NYX: variants seen among roughly 807,000 people sequenced by gnomAD.
The protein encoded by NYX is nyctalopin, also known as leucine-rich repeat protein.
For synonymous variants in NYX, 258 were observed against 245.7 expected (o/e 1.05, Z -0.47); for missense variants, 481 against 485.4 (o/e 0.99, Z 0.09).
intron 2 of NYX, among the ~76,000 whole-genome samples, chrX:41,450,194 T>A (rs760910308): frequency 1.8e-5 from 2 of 112,299 alleles, no homozygotes; most frequent in Non-Finnish European, 3.8e-5. Context: ...CTGAAACCCT[T>A]AACTTCTTTT....
chrX:41,464,670 C>CGTGTGTGTGTGTGTGTGTGTGT (rs768617215), intron 2 of NYX, among the ~76,000 whole-genome samples: 38 of 101,837 alleles, frequency 3.7e-4, no homozygotes, highest in African/African-American at 8.9e-4. Flanking sequence ...ATGGGCCGTG[C>CGTGTGTGTGTGTGTGTGTGTGT]GTGTGTGTGT....
At position 41,474,721 on chromosome X, in the gene NYX, C is replaced by T; in HGVS notation, c.1253C>T (p.Pro418Leu). 1 of 1,196,325 alleles carries T rather than the reference C, an allele frequency of 8.4e-7. No individual in the cohort carries two copies. The change falls in exon 3 of 3, where the codon CCG becomes CTG. Residue 418 changes from proline to leucine, a missense_variant. Coordinates refer to ENST00000378220, the MANE Select transcript of NYX (RefSeq NM_001378477.3). ...AGCCTCCTCTCCAAGCTGCTGGCCC[C>T]GAGGGTCCCGGTGGAGGAGGCGGCC... ...FSSLLSKLLA[P>L]RVPVEEAANT... is the part of the protein sequence containing the mutation.
rs921845660 is a variant in NYX, at chrX:41,449,566, C to G, written c.22+1640C>G. On this transcript the variant is annotated intron_variant, in intron 2 of 2. Coordinates refer to ENST00000378220, the MANE Select transcript of NYX (RefSeq NM_001378477.3). ...ATAATTACTAACAGTCAACTTCTTG[C>G]CATTCCTCCTACCTTGAAAAAAAAA... Among the ~76,000 whole-genome samples, 3 of 110,788 alleles carry G rather than the reference C, an allele frequency of 2.7e-5. No individual in the cohort carries two copies. The Admixed American group carries it at 2.9e-4, about 11-fold the overall frequency.
intron 2 of NYX, among the ~76,000 whole-genome samples, chrX:41,461,497 G>A (rs192567055): frequency 1.8e-5 from 2 of 109,674 alleles, no homozygotes; most frequent in Non-Finnish European, 3.8e-5. Flanking sequence ...ATAAACGTGC[G>A]TGCAAGGATC....
intron 2 of NYX, among the ~76,000 whole-genome samples, chrX:41,471,332 T>G (rs916997879): frequency 9.0e-6 from 1 of 111,719 alleles, no homozygotes; most frequent in African/African-American, 3.3e-5. Flanking sequence ...GGCTAGTCTT[T>G]AACTCCTCAC....
chrX:41,460,879 T>C (rs3021324), intron 2 of NYX, among the ~76,000 whole-genome samples: 1,103 of 26,953 alleles, frequency 0.041, 13 homozygotes, highest in East Asian at 0.36. Context: ...AGTATGTATT[T>C]TTTTTTTTTT....
At chrX:41,457,981 G>A (rs1192204073) in intron 2 of NYX, among the ~76,000 whole-genome samples, 1 of 111,613 alleles carries the variant, frequency 9.0e-6, no homozygotes, top group Non-Finnish European at 1.9e-5. Flanking sequence ...TCTGGAGGTT[G>A]GGAAGTCCAG....
chrX:41,464,055 T>G (rs1230166179), intron 2 of NYX, among the ~76,000 whole-genome samples: 1 of 111,855 alleles, frequency 8.9e-6, no homozygotes, highest in African/African-American at 3.2e-5. Context: ...CTATTGCCCT[T>G]CATTTCTGAA....
Position 41,474,651 on chromosome X carries a change from G to A in NYX, c.1183G>A (p.Gly395Ser), listed in dbSNP as rs189924262. 4.6e-4 allele frequency: 547 copies of A among 1,197,675 alleles called. 6 individuals are homozygous for A. The East Asian group carries it at 0.015, about 32-fold the overall frequency. Residue 395 changes from glycine (G) to serine (S), a missense_variant, in exon 3 of 3, where the codon GGC becomes AGC. Physicochemically the swap from Gly to Ser is moderately conservative, Grantham distance 56 (BLOSUM62 0). Coordinates refer to ENST00000378220, the MANE Select transcript of NYX (RefSeq NM_001378477.3). ...EELNLTTSSP[G>S]PSPEPAATTV... Reference sequence around the variant, plus strand: ...GCTGAACCTCACCACGTCCAGTCCAGGCCCGTCCCCAGAACCAGCGGCCAC... The same window carrying A: ...GCTGAACCTCACCACGTCCAGTCCAAGCCCGTCCCCAGAACCAGCGGCCAC...
chrX:41,447,811 C>T, intron 1 of NYX, 38 bp from the exon 2 acceptor site: 1 of 1,071,850 alleles, frequency 9.3e-7, no homozygotes. Context: ...TCATGGGGCC[C>T]TCCTGGGCAC....
At chrX:41,468,590 A>G (rs2064348891) in intron 2 of NYX, among the ~76,000 whole-genome samples, 1 of 112,232 alleles carries the variant, frequency 8.9e-6, no homozygotes, top group African/African-American at 3.2e-5. Flanking sequence ...ATGCCTGGCC[A>G]GCAAACAATT....
In NYX at chrX:41,461,382, C is replaced by CATATATAT. The variant is rs60185443; in HGVS notation, c.23-12093_23-12086dup. ...TTTTTATGGCTGAGTAATATTCCGT[C>CATATATAT]ATATATATATATATATATATATACA... On this transcript the variant is annotated intron_variant, in intron 2 of 2. Transcript: ENST00000378220. Among the ~76,000 whole-genome samples the CATATATAT allele has an allele frequency of 2.2e-3, 223 of 101,551 alleles. 1 individual carries two copies. Among genetic ancestry groups the CATATATAT allele is most frequent in the African/African-American group, 6.4e-3 (176 of 27,313 alleles). The allele number at this position is 101,551 out of a possible 115,157, so 88.2% of individuals were successfully genotyped here. A position where few individuals can be genotyped will look rare whatever the true frequency, so the allele number is the denominator to read the frequency against.
intron 2 of NYX, among the ~76,000 whole-genome samples, chrX:41,468,218 T>G (rs2064347309): frequency 9.0e-6 from 1 of 111,578 alleles, no homozygotes; most frequent in Non-Finnish European, 1.9e-5. Flanking sequence ...GGCAGCTACC[T>G]TTCTGATCTC....
In NYX at chrX:41,475,061, C is replaced by A; in HGVS notation, c.*162C>A. 2.0e-6 allele frequency: 1 copy of A among 491,745 alleles called. No individual in the cohort carries two copies. Among genetic ancestry groups the A allele is most frequent in the Non-Finnish European group, 3.6e-6 (1 of 280,435 alleles). 40.5% of individuals were successfully genotyped at this position (491,745 alleles called of 1,213,427 possible). ...AGGGAGAACACAGGGACGTGCCACT[C>A]GAGGGGGAGGATGGTATGGATTTCT... On this transcript the variant is annotated 3_prime_UTR_variant, in exon 3 of 3. Transcript: ENST00000378220.
intron 2 of NYX, among the ~76,000 whole-genome samples, chrX:41,459,568 G>A (rs1186048043): frequency 2.7e-5 from 3 of 110,210 alleles, no homozygotes; most frequent in African/African-American, 6.6e-5. Flanking sequence ...GCAGTGAGCC[G>A]AGATCATGCC....
At chrX:41,462,852 T>A (rs2064324934) in intron 2 of NYX, among the ~76,000 whole-genome samples, 1 of 112,353 alleles carries the variant, frequency 8.9e-6, no homozygotes, top group Non-Finnish European at 1.9e-5. Context: ...TAAATACAAG[T>A]CTTTAATGAG....
At chrX:41,463,570 G>C (rs2064328068) in intron 2 of NYX, among the ~76,000 whole-genome samples, 1 of 110,232 alleles carries the variant, frequency 9.1e-6, no homozygotes, top group Non-Finnish European at 1.9e-5. Flanking sequence ...CTACAGGTGT[G>C]CGCCACCACA....
Position 41,464,248 on chromosome X carries a change from C to T in NYX, c.23-9243C>T, listed in dbSNP as rs182337469. Among the ~76,000 whole-genome samples the T allele has an allele frequency of 6.4e-5, 7 of 109,777 alleles. No individual in the cohort carries two copies. The East Asian group carries it at 1.4e-3, about 22-fold the overall frequency. On this transcript the variant is annotated intron_variant, in intron 2 of 2. Transcript: ENST00000378220. ...GCAACCTCTGTCTCCTGGGCTTAAG[C>T]GATCCTCCCACCTCAGCCTCCCAAG... is the stretch of plus-strand genomic sequence containing the variant.
Position 41,473,800 on chromosome X carries a change from G to A in NYX, c.332G>A (p.Arg111His). Residue 111 changes from arginine to histidine, a missense_variant, in exon 3 of 3, where the codon CGC becomes CAC. By Grantham distance (29) the Arg-to-His change is conservative. Transcript: ENST00000378220. The stretch of plus-strand genomic sequence containing the variant: ...GGCCTGCCGCGCCTGGCTGAGCTGC[G>A]CCTGGCGCACAACGGCGACCTGCGC... ...FKGLPRLAEL[R>H]LAHNGDLRYL... 1 of 1,126,738 alleles carries A rather than the reference G, an allele frequency of 8.9e-7. No homozygotes were observed. Among genetic ancestry groups the A allele is most frequent in the Non-Finnish European group, 1.2e-6 (1 of 859,862 alleles). The allele number at this position is 1,126,738 out of a possible 1,213,427, so 92.9% of individuals were successfully genotyped here. A position where few individuals can be genotyped will look rare whatever the true frequency, so the allele number is the denominator to read the frequency against.
Sources: gnomAD v4.1 joint callset for allele counts (sites outside exome capture counted in the v4.1 genomes callset) on GRCh38, gnomAD v4.1.1 for gene constraint, MANE v1.5 for transcripts, NCBI Gene and HGNC (gene_info 2026-07-23, HGNC 2026-07-21) for gene names.